PTPRD: variants seen among roughly 807,000 people sequenced by gnomAD.
PTPRD encodes the protein receptor-type tyrosine-protein phosphatase delta.
Under a neutral mutation model 214.5 loss-of-function variants are expected in PTPRD, and 34 were observed. The ratio of observed to expected loss-of-function variants is 0.16; its 90% CI spans 0.12 to 0.21. PTPRD has a LOEUF of 0.21. PTPRD is among the 10% of genes least tolerant of loss of function. The probability of loss-of-function intolerance (pLI) is 1.00; values close to 1 mark genes in which losing one functional copy is unlikely to be tolerated. For missense variants in PTPRD, 2,545 were observed against 2,398.7 expected (o/e 1.06, Z -1.27); for synonymous variants, 1,128 against 845.7 (o/e 1.33, Z -5.79).
chr9:9,023,708 T>C (rs1392307153), intron 10 of PTPRD, among the ~76,000 whole-genome samples: 1 of 152,006 alleles, frequency 6.6e-6, no homozygotes, highest in Admixed American at 6.6e-5. Flanking sequence ...CCCATGTTCA[T>C]GTCCATGTGT....
At chr9:8,442,304 T>A (rs2095573560) in intron 34 of PTPRD, among the ~76,000 whole-genome samples, 2 of 151,866 alleles carry the variant, frequency 1.3e-5, no homozygotes, top group Non-Finnish European at 2.9e-5. Flanking sequence ...ATGATTTTAT[T>A]ATCCATAGAA....
chr9:8,679,889 T>A (rs1477712276), intron 12 of PTPRD, among the ~76,000 whole-genome samples: 1 of 152,244 alleles, frequency 6.6e-6, no homozygotes, highest in Non-Finnish European at 1.5e-5. Flanking sequence ...ATTTCTCAAA[T>A]GCACAAATGT....
intron 4 of PTPRD, among the ~76,000 whole-genome samples, chr9:9,947,881 T>C (rs541213120): frequency 8.6e-5 from 13 of 151,252 alleles, no homozygotes; most frequent in African/African-American, 2.9e-4. Context: ...ATATCTATTT[T>C]TAGATAGAAT....
chr9:9,535,735 CAG>C (rs1316950845), intron 8 of PTPRD, among the ~76,000 whole-genome samples: 1 of 151,898 alleles, frequency 6.6e-6, no homozygotes, highest in Non-Finnish European at 1.5e-5. Flanking sequence ...GGAAGTGTTA[CAG>C]AAAAACATTT....
At chr9:8,960,280 T>A (rs2099152087) in intron 11 of PTPRD, among the ~76,000 whole-genome samples, 1 of 152,118 alleles carries the variant, frequency 6.6e-6, no homozygotes, top group African/African-American at 2.4e-5. Context: ...TTAGTTATTA[T>A]CATTAGTTAT....
Position 8,337,219 on chromosome 9 carries a change from T to C in PTPRD, c.5379+1703A>G, listed in dbSNP as rs140870693. ...AACCCAAATGTCCATCAATGATAGATTGGATAAAGAAAATGTGGCACATAT... is the reference window on the plus strand; with the variant it reads ...AACCCAAATGTCCATCAATGATAGACTGGATAAAGAAAATGTGGCACATAT... On this transcript the variant is annotated intron_variant, in intron 43 of 45. Coordinates refer to ENST00000381196, the MANE Select transcript of PTPRD (RefSeq NM_002839.4). Among the ~76,000 whole-genome samples, 710 of 152,154 alleles carry C rather than the reference T, an allele frequency of 4.7e-3. 1 individual carries two copies. Among genetic ancestry groups the C allele is most frequent in the Admixed American group, 6.6e-3 (101 of 15,266 alleles).
At chr9:10,045,497 A>C (rs2097371786) in intron 3 of PTPRD, among the ~76,000 whole-genome samples, 1 of 151,726 alleles carries the variant, frequency 6.6e-6, no homozygotes, top group African/African-American at 2.4e-5. Flanking sequence ...ATGTGACCTC[A>C]GAAGTATCCA....
intron 3 of PTPRD, among the ~76,000 whole-genome samples, chr9:10,310,289 T>G (rs1445571604): frequency 6.6e-6 from 1 of 152,086 alleles, no homozygotes; most frequent in Admixed American, 6.6e-5. Flanking sequence ...TGTTCATTAA[T>G]GTACATAGCA....
intron 2 of PTPRD, among the ~76,000 whole-genome samples, chr9:10,383,678 A>C (rs2097861086): frequency 6.6e-6 from 1 of 151,836 alleles, no homozygotes; most frequent in Non-Finnish European, 1.5e-5. Flanking sequence ...CACCATTTCT[A>C]AGTAATAATT....
At chr9:8,494,191 T>G (rs1369348216) in intron 26 of PTPRD, among the ~76,000 whole-genome samples, 4 of 150,852 alleles carry the variant, frequency 2.7e-5, no homozygotes, top group South Asian at 4.2e-4. Flanking sequence ...ATACAGTAGG[T>G]TTTTTTTTAG....
At chr9:9,689,740 T>A (rs1465341476) in intron 7 of PTPRD, among the ~76,000 whole-genome samples, 1 of 151,942 alleles carries the variant, frequency 6.6e-6, no homozygotes, top group African/African-American at 2.4e-5. Context: ...AGTACAATAT[T>A]TGTCTTTTTG....
At position 10,420,221 on chromosome 9, in the gene PTPRD, A is replaced by G. The variant is rs115567687; in HGVS notation, c.-599-79204T>C. Among the ~76,000 whole-genome samples the G allele has an allele frequency of 7.8e-3, 1,191 of 151,986 alleles. 9 individuals carry two copies. The highest frequency in any genetic ancestry group is 0.027 in the African/African-American group (1,118 of 41,536). ...CTAAACAAATTGCATGTATAATAAT[A>G]ATAATTTCTATCAGGAATTAACATT... On this transcript the variant is annotated intron_variant, in intron 2 of 45. Transcript: ENST00000381196.
chr9:10,335,423 T>C (rs911658389), intron 3 of PTPRD, among the ~76,000 whole-genome samples: 38 of 151,664 alleles, frequency 2.5e-4, no homozygotes, highest in African/African-American at 9.2e-4. Flanking sequence ...CTCACAAATC[T>C]TGCACCCTTA....
chr9:8,489,705 G>C (rs1052212396), intron 27 of PTPRD, among the ~76,000 whole-genome samples: 1 of 152,128 alleles, frequency 6.6e-6, no homozygotes, highest in East Asian at 1.9e-4. Flanking sequence ...TTTATCCAGG[G>C]AATCAGGATA....
At chr9:9,332,492 T>A (rs746607960) in intron 9 of PTPRD, among the ~76,000 whole-genome samples, 14 of 150,136 alleles carry the variant, frequency 9.3e-5, no homozygotes, top group African/African-American at 2.9e-4. Context: ...GTACCAAATA[T>A]AGAAAGTAAA....
chr9:9,028,939 G>GT (rs1364106415), intron 10 of PTPRD, among the ~76,000 whole-genome samples: 4 of 151,694 alleles, frequency 2.6e-5, no homozygotes, highest in Non-Finnish European at 5.9e-5. Flanking sequence ...AAAATGGGGG[G>GT]CATAGAGTAT....
chr9:8,527,836 C>A (rs1212281433), intron 15 of PTPRD, among the ~76,000 whole-genome samples: 1 of 152,068 alleles, frequency 6.6e-6, no homozygotes, highest in African/African-American at 2.4e-5. Flanking sequence ...GGAGTCTACA[C>A]CAAAAGCAGA....
chr9:10,386,367 T>C (rs1045004009), intron 2 of PTPRD, among the ~76,000 whole-genome samples: 4 of 151,896 alleles, frequency 2.6e-5, no homozygotes, highest in African/African-American at 9.7e-5. Context: ...ACTAGTATCC[T>C]GAAGAAACCT....
chr9:9,863,708 G>A (rs2063295931), intron 5 of PTPRD, among the ~76,000 whole-genome samples: 1 of 152,172 alleles, frequency 6.6e-6, no homozygotes, highest in African/African-American at 2.4e-5. Flanking sequence ...AGGGCTATTG[G>A]AGATGAAAAG....
Sources: gnomAD v4.1 joint callset for allele counts (sites outside exome capture counted in the v4.1 genomes callset) on GRCh38, gnomAD v4.1.1 for gene constraint, MANE v1.5 for transcripts, NCBI Gene and HGNC (gene_info 2026-07-23, HGNC 2026-07-21) for gene names.